NDUFAF1: variants seen among roughly 807,000 people sequenced by gnomAD.
The protein encoded by NDUFAF1 is complex I intermediate-associated protein 30, mitochondrial.
A neutral mutation model predicts 28.7 loss-of-function variants in NDUFAF1; 18 were observed. The ratio of observed to expected loss-of-function variants is 0.63; its 90% CI spans 0.43 to 0.93. The LOEUF (loss-of-function observed/expected upper bound fraction) is 0.93. Among genes scored for constraint, NDUFAF1 ranks in the 40% least tolerant of loss-of-function variants. The pLI, the probability that NDUFAF1 is intolerant of heterozygous loss-of-function variation, is 0.00. For missense variants in NDUFAF1, 404 were observed against 398.3 expected (o/e 1.01, Z -0.12); for synonymous variants, 113 against 139.7 (o/e 0.81, Z 1.35).
chr15:41,400,475 G>A (rs1393487173), intron 1 of NDUFAF1, among the ~76,000 whole-genome samples: 1 of 151,444 alleles, frequency 6.6e-6, no homozygotes, highest in Non-Finnish European at 1.5e-5. Context: ...TGGAGTACCT[G>A]GGATTACAGG....
At chr15:41,395,653 A>T (rs372430680) in intron 2 of NDUFAF1, among the ~76,000 whole-genome samples, 6 of 137,604 alleles carry the variant, frequency 4.4e-5, no homozygotes, top group African/African-American at 1.3e-4. Context: ...TACAGGCATG[A>T]GCCACTGCGC....
At chr15:41,400,419 C>T (rs1374428782) in intron 1 of NDUFAF1, among the ~76,000 whole-genome samples, 2 of 151,078 alleles carry the variant, frequency 1.3e-5, no homozygotes, top group African/African-American at 4.9e-5. Flanking sequence ...GTTGCTCAGA[C>T]GAGTCTCTAA....
Position 41,388,507 on chromosome 15 carries a change from A to C in NDUFAF1, c.775T>G (p.Phe259Val). Reference sequence around the variant, plus strand: ...ATTCTTCCTCGATTAGAGAAGAAAAATTTGGAAAAAGGAATCTGAAAGAAG... The same window carrying C: ...ATTCTTCCTCGATTAGAGAAGAAAACTTTGGAAAAAGGAATCTGAAAGAAG... ...WQEVKIPFSK[F>V]FFSNRGRIRD... Residue 259 changes from phenylalanine (F) to valine (V), a missense_variant, in exon 4 of 5, where the codon TTT becomes GTT. Phe to Val is a conservative substitution (Grantham distance 50, BLOSUM62 -1). Coordinates refer to ENST00000260361, the MANE Select transcript of NDUFAF1 (RefSeq NM_016013.4). The C allele has an allele frequency of 6.2e-7, 1 of 1,612,052 alleles. No homozygotes were observed. Among genetic ancestry groups the C allele is most frequent in the Non-Finnish European group, 8.5e-7 (1 of 1,178,146 alleles).
chr15:41,400,523 CTTTT>C (rs962531617), intron 1 of NDUFAF1, among the ~76,000 whole-genome samples: 1 of 147,516 alleles, frequency 6.8e-6, no homozygotes, highest in Non-Finnish European at 1.5e-5. Flanking sequence ...ACTCCTAATA[CTTTT>C]TTTTTTCTTT....
chr15:41,401,115 C>T (rs1161057630), intron 1 of NDUFAF1, among the ~76,000 whole-genome samples: 1 of 151,618 alleles, frequency 6.6e-6, no homozygotes, highest in South Asian at 2.1e-4. Context: ...GCCACCATGC[C>T]CGGCTAATTT....
chr15:41,393,905 T>C (rs2050347309), intron 3 of NDUFAF1, among the ~76,000 whole-genome samples: 1 of 150,088 alleles, frequency 6.7e-6, no homozygotes, highest in Non-Finnish European at 1.5e-5. Flanking sequence ...GATGGGGTTT[T>C]GCCATGTTAG....
chr15:41,401,380 C>A (rs2050460916), intron 1 of NDUFAF1, among the ~76,000 whole-genome samples: 1 of 150,782 alleles, frequency 6.6e-6, no homozygotes, highest in South Asian at 2.1e-4. Flanking sequence ...AAGTGCTTCT[C>A]CTGCCTCTGC....
rs779073553 is a variant in NDUFAF1, at chr15:41,396,813, C to T, written c.247G>A (p.Asp83Asn). 1.2e-5 allele frequency: 19 copies of T among 1,613,994 alleles called. No individual in the cohort carries two copies. In the East Asian group the frequency reaches 2.5e-4, roughly 21 times the overall value. The change falls in exon 2 of 5, where the codon GAT (aspartate) becomes AAT (asparagine). Residue 83 changes from aspartate to asparagine, a missense_variant. By Grantham distance (23) the Asp-to-Asn change is conservative (BLOSUM62 1). Coordinates refer to ENST00000260361, the MANE Select transcript of NDUFAF1 (RefSeq NM_016013.4). ...ATTGCTTCATCTCTAATTGCTTTATCGAAACTAACATCAGGCTTCTCCTCA... is the reference window on the plus strand; with the variant it reads ...ATTGCTTCATCTCTAATTGCTTTATTGAAACTAACATCAGGCTTCTCCTCA... ...SSEEKPDVSF[D>N]KAIRDEAIYH...
At chr15:41,387,807 G>A (rs1018681114) in intron 4 of NDUFAF1, among the ~76,000 whole-genome samples, 1 of 152,020 alleles carries the variant, frequency 6.6e-6, no homozygotes, top group Admixed American at 6.6e-5. Context: ...TCCTCATTAG[G>A]TAGTGCCACT....
At chr15:41,389,241 C>G (rs2050290202) in intron 3 of NDUFAF1, among the ~76,000 whole-genome samples, 1 of 147,170 alleles carries the variant, frequency 6.8e-6, no homozygotes, top group African/African-American at 2.6e-5. Flanking sequence ...CACCACCACA[C>G]CCGGCTAATT....
intron 1 of NDUFAF1, among the ~76,000 whole-genome samples, chr15:41,397,820 A>T (rs1015802921): frequency 6.0e-5 from 9 of 149,626 alleles, no homozygotes; most frequent in Non-Finnish European, 1.0e-4. Flanking sequence ...AAAAAAAAAA[A>T]TTGAGACCAT....
chr15:41,390,464 G>T (rs533547587), intron 3 of NDUFAF1, among the ~76,000 whole-genome samples: 1 of 152,228 alleles, frequency 6.6e-6, no homozygotes, highest in East Asian at 1.9e-4. Flanking sequence ...GGTGGCTCAC[G>T]CCTGTAATCC....
intron 2 of NDUFAF1, among the ~76,000 whole-genome samples, chr15:41,396,127 A>G (rs1482106341): frequency 6.6e-6 from 1 of 151,120 alleles, no homozygotes; most frequent in Non-Finnish European, 1.5e-5. Context: ...CCCTACATCC[A>G]CTCTACAAAA....
intron 3 of NDUFAF1, among the ~76,000 whole-genome samples, chr15:41,393,809 G>A (rs1216642478): frequency 2.6e-5 from 4 of 151,690 alleles, no homozygotes; most frequent in Non-Finnish European, 5.9e-5. Flanking sequence ...TTGACCTCGT[G>A]ATCTGCCCAC....
At chr15:41,387,625 C>T (rs1177916275) in intron 4 of NDUFAF1, 32 bp from the exon 5 acceptor site, 2 of 1,552,782 alleles carry the variant, frequency 1.3e-6, no homozygotes, top group Non-Finnish European at 1.8e-6. Context: ...TGATTAAAAT[C>T]TCATACAGTG....
intron 3 of NDUFAF1, chr15:41,394,484 G>A (rs2050357032): frequency 1.4e-6 from 1 of 712,222 alleles, no homozygotes; most frequent in South Asian, 1.5e-5. Context: ...ATATTCACTA[G>A]TTAGTATGTT....
At chr15:41,389,486 A>C (rs1173894000) in intron 3 of NDUFAF1, among the ~76,000 whole-genome samples, 1 of 152,086 alleles carries the variant, frequency 6.6e-6, no homozygotes, top group East Asian at 1.9e-4. Flanking sequence ...AAAGGAAGAA[A>C]ATGGCTGGGC....
chr15:41,402,001 G>T, intron 1 of NDUFAF1, 143 bp downstream of exon 1: 1 of 266,964 alleles, frequency 3.7e-6, no homozygotes, highest in Non-Finnish European at 7.7e-6. Context: ...TAAATGCTTT[G>T]TTTCATTTTT....
Position 41,394,995 on chromosome 15 carries a change from A to G in NDUFAF1, c.623T>C (p.Leu208Pro), listed in dbSNP as rs1246757729. ...MSYDWSQFNT[L>P]YLRVRGDGRP... ...ACCATCCCCACGTACACGGAGATAC[A>G]GAGTATTGAACTGGGACCAATCGTA... Residue 208 changes from leucine (L) to proline (P), a missense_variant, in exon 3 of 5, where the codon CTG (leucine) becomes CCG (proline). Leu to Pro is a moderately conservative substitution (Grantham distance 98, BLOSUM62 -3). Coordinates refer to ENST00000260361, the MANE Select transcript of NDUFAF1 (RefSeq NM_016013.4). 14 of 1,614,058 alleles carry G rather than the reference A, an allele frequency of 8.7e-6. No individual in the cohort carries two copies. Among genetic ancestry groups the G allele is most frequent in the African/African-American group, 8.0e-5 (6 of 74,942 alleles).
Sources: allele counts gnomAD v4.1 joint callset (sites outside exome capture counted in the v4.1 genomes callset), GRCh38; gene constraint gnomAD v4.1.1; transcripts MANE v1.5; gene names NCBI Gene and HGNC (gene_info 2026-07-23, HGNC 2026-07-21).